MAP2K5: variants seen among roughly 807,000 people sequenced by gnomAD.
MAP2K5 encodes dual specificity mitogen-activated protein kinase kinase 5.
In MAP2K5, 49 loss-of-function variants were observed where a neutral mutation model predicts 83.1. The observed-to-expected ratio is 0.59, with a 90% CI of 0.47 to 0.75. The LOEUF (loss-of-function observed/expected upper bound fraction) is 0.75, where lower values mean the gene tolerates loss of function less well. MAP2K5 is among the 30% of genes least tolerant of loss of function. The probability of loss-of-function intolerance (pLI) is 0.00; values close to 1 mark genes in which losing one functional copy is unlikely to be tolerated. For synonymous variants in MAP2K5, 202 were observed against 191.8 expected, an observed-to-expected ratio of 1.05 and a Z score of -0.44; for missense variants, 457 against 557.5, an observed-to-expected ratio of 0.82 and a Z score of 1.82.
intron 7 of MAP2K5, among the ~76,000 whole-genome samples, chr15:67,595,300 A>G (rs973193712): frequency 1.3e-5 from 2 of 152,208 alleles, no homozygotes; most frequent in South Asian, 2.1e-4. Flanking sequence ...TCAACAGTTC[A>G]TAAGAAACAT....
At chr15:67,718,795 G>A (rs773570905) in intron 16 of MAP2K5, among the ~76,000 whole-genome samples, 10 of 152,110 alleles carry the variant, frequency 6.6e-5, no homozygotes, top group Middle Eastern at 3.2e-3. Flanking sequence ...CATAGTAAGT[G>A]TACATGTGTA....
chr15:67,582,055 A>ATT lies in MAP2K5; in HGVS notation c.322+1234_322+1235dup, dbSNP rs1233297576. Among the ~76,000 whole-genome samples the ATT allele has an allele frequency of 2.4e-3, 318 of 134,790 alleles. 11 individuals carry two copies. Among genetic ancestry groups the ATT allele is most frequent in the East Asian group, 6.5e-3 (29 of 4,434 alleles). 88.4% of individuals were successfully genotyped at this position (134,790 alleles called of 152,430 possible). A position where few individuals can be genotyped will look rare whatever the true frequency, so the allele number is the denominator to read the frequency against. On this transcript the variant is annotated intron_variant, in intron 4 of 21. Transcript: ENST00000178640. ...TAGTCCAATGATTAGGATGTAGATGATTTCTTTTTTTTTTTTTTTTTTTTC... is the reference window on the plus strand; with the variant it reads ...TAGTCCAATGATTAGGATGTAGATGATTTTTCTTTTTTTTTTTTTTTTTTTTC...
chr15:67,616,278 A>G (rs927072794), intron 8 of MAP2K5, among the ~76,000 whole-genome samples: 1 of 152,230 alleles, frequency 6.6e-6, no homozygotes, highest in African/African-American at 2.4e-5. Context: ...AACCAATGCC[A>G]TGTTTTAATA....
chr15:67,700,135 T>C (rs1323918032), intron 15 of MAP2K5, among the ~76,000 whole-genome samples: 1 of 152,230 alleles, frequency 6.6e-6, no homozygotes, highest in Non-Finnish European at 1.5e-5. Flanking sequence ...TTCCTGCTTT[T>C]GACAAATATC....
Position 67,720,065 on chromosome 15 carries a change from C to T in MAP2K5, c.1045-7851C>T, listed in dbSNP as rs4502166. The stretch of plus-strand genomic sequence containing the variant: ...GTGTCTGTAAAGCTACAAAAGTGGG[C>T]ATTTTTAAATTGAGGGTTTTTTCCC... On this transcript the variant is annotated intron_variant, in intron 16 of 21. Transcript: ENST00000178640. The surrounding 1 kb of genome is among the most constrained non-coding windows in gnomAD (Gnocchi z 5.7). Among the ~76,000 whole-genome samples the T allele has an allele frequency of 0.84, 127,859 of 152,078 alleles. 53,816 individuals carry two copies. Among genetic ancestry groups the T allele is most frequent in the Admixed American group, 0.88 (13,495 of 15,272 alleles).
intron 11 of MAP2K5, among the ~76,000 whole-genome samples, chr15:67,653,479 A>G (rs1184166587): frequency 1.3e-5 from 2 of 152,014 alleles, no homozygotes; most frequent in Non-Finnish European, 2.9e-5. Context: ...TATTTTTAGT[A>G]GAGACAGGGT....
chr15:67,611,763 C>T (rs1245790834), intron 8 of MAP2K5, among the ~76,000 whole-genome samples: 4 of 152,164 alleles, frequency 2.6e-5, no homozygotes, highest in South Asian at 2.1e-4. Context: ...CAATGCCATT[C>T]CTGGTAAATA....
In MAP2K5 at chr15:67,747,636, G is replaced by A. The variant is rs117770985; in HGVS notation, c.1075-595G>A. Among the ~76,000 whole-genome samples, 397 of 152,262 alleles carry A rather than the reference G, an allele frequency of 2.6e-3. 4 individuals carry two copies. Among genetic ancestry groups the A allele is most frequent in the Non-Finnish European group, 4.1e-3 (282 of 68,006 alleles). ...CTAAAAATCAGTGTGAAACTTCCAT[G>A]AATTTGATTTTCCCAGAGAGCATTG... On this transcript the variant is annotated intron_variant, in intron 17 of 21. Coordinates refer to ENST00000178640, the MANE Select transcript of MAP2K5 (RefSeq NM_145160.3). The surrounding 1 kb of genome is among the most constrained non-coding windows in gnomAD (Gnocchi z 4.1).
chr15:67,601,056 T>G (rs973092965), intron 8 of MAP2K5, among the ~76,000 whole-genome samples: 1 of 152,150 alleles, frequency 6.6e-6, no homozygotes, highest in Non-Finnish European at 1.5e-5. Flanking sequence ...ACACTATTAT[T>G]ATTATTTTTT....
chr15:67,623,434 T>G (rs976573252), intron 8 of MAP2K5, among the ~76,000 whole-genome samples: 6 of 152,156 alleles, frequency 3.9e-5, no homozygotes, highest in African/African-American at 1.4e-4. Flanking sequence ...CAATAAATGA[T>G]ATATTGCAAA....
intron 9 of MAP2K5, among the ~76,000 whole-genome samples, chr15:67,633,637 G>T (rs1809080756): frequency 6.6e-6 from 1 of 152,176 alleles, no homozygotes; most frequent in Non-Finnish European, 1.5e-5. Context: ...CACTAGACCT[G>T]ATCATTAAAC....
intron 13 of MAP2K5, among the ~76,000 whole-genome samples, chr15:67,681,037 A>G (rs745808824): frequency 9.2e-5 from 14 of 152,224 alleles, no homozygotes; most frequent in Non-Finnish European, 1.5e-4. Flanking sequence ...GCTTTATAGT[A>G]TATTTGGTAC....
In MAP2K5 at chr15:67,738,246, T is replaced by C. The variant is rs2089389319; in HGVS notation, c.1075-9985T>C. Reference sequence around the variant, plus strand: ...GAAGCTTGTCTTGTTTTGTTTTCTGTTCAGAAACAAGTTGCAGAGAGCACT... The same window carrying C: ...GAAGCTTGTCTTGTTTTGTTTTCTGCTCAGAAACAAGTTGCAGAGAGCACT... On this transcript the variant is annotated intron_variant, in intron 17 of 21. Coordinates refer to ENST00000178640, the MANE Select transcript of MAP2K5 (RefSeq NM_145160.3). This position sits in a 1 kb window ranked among gnomAD's most constrained non-coding sequence, Gnocchi z 4.1. 6.6e-6 allele frequency among the ~76,000 whole-genome samples: 1 copy of C among 152,192 alleles called. No individual in the cohort carries two copies. Among genetic ancestry groups the C allele is most frequent in the African/African-American group, 2.4e-5 (1 of 41,444 alleles).
At chr15:67,669,795 C>CA (rs35931405) in intron 13 of MAP2K5, among the ~76,000 whole-genome samples, 149,349 of 152,182 alleles carry the variant, frequency 0.98, 73,360 homozygotes, top group Middle Eastern at 1. Flanking sequence ...GAGATAACAA[C>CA]AAAAAACCTG....
chr15:67,585,786 C>G, intron 4 of MAP2K5, 104 bp from the exon 5 acceptor site: 1 of 950,118 alleles, frequency 1.1e-6, no homozygotes, highest in Non-Finnish European at 1.7e-6. Context: ...TCATTTCTCT[C>G]TGCTAATTTT....
At position 67,587,099 on chromosome 15, in the gene MAP2K5, G is replaced by C. The variant is rs768128869; in HGVS notation, c.431+186G>C. 1.6e-4 allele frequency among the ~76,000 whole-genome samples: 24 copies of C among 152,166 alleles called. No individual in the cohort carries two copies. Among genetic ancestry groups the C allele is most frequent in the Non-Finnish European group, 2.9e-4 (20 of 68,024 alleles). ...GACTGGGTGCTGAGAAGGCTCTCTGGGGAGAGTGACGTTTCTGTTTTGACC... is the reference window on the plus strand; with the variant it reads ...GACTGGGTGCTGAGAAGGCTCTCTGCGGAGAGTGACGTTTCTGTTTTGACC... On this transcript the variant is annotated intron_variant, in intron 6 of 21. Transcript: ENST00000178640. The surrounding 1 kb of genome is among the most constrained non-coding windows in gnomAD (Gnocchi z 4.8).
At position 67,551,696 on chromosome 15, in the gene MAP2K5, A is replaced by G. The variant is rs78792407; in HGVS notation, c.184+1614A>G. On this transcript the variant is annotated intron_variant, in intron 2 of 21. Transcript: ENST00000178640. ...CACTCTTTTGCCCAAGCTGGAGTGC[A>G]GTAGTGAGATCACAGCTTGCTGTAG... Among the ~76,000 whole-genome samples, 1,477 of 152,230 alleles carry G rather than the reference A, an allele frequency of 9.7e-3. 9 individuals are homozygous for G. Among genetic ancestry groups the G allele is most frequent in the Middle Eastern group, 0.062 (18 of 292 alleles).
At chr15:67,788,592 T>G (rs776667390) in intron 21 of MAP2K5, among the ~76,000 whole-genome samples, 2 of 152,170 alleles carry the variant, frequency 1.3e-5, no homozygotes, top group Non-Finnish European at 2.9e-5. Flanking sequence ...CATAAGCACT[T>G]AATATAGTAG....
intron 13 of MAP2K5, among the ~76,000 whole-genome samples, chr15:67,667,554 C>A (rs1217165053): frequency 6.6e-6 from 1 of 152,004 alleles, no homozygotes; most frequent in South Asian, 2.1e-4. Flanking sequence ...AAGAGAAATA[C>A]TAATGAGTGA....
Sources: allele counts gnomAD v4.1 joint callset (sites outside exome capture counted in the v4.1 genomes callset), GRCh38; gene constraint gnomAD v4.1.1; non-coding constraint Gnocchi (gnomAD v3.1); transcripts MANE v1.5; gene names NCBI Gene and HGNC (gene_info 2026-07-23, HGNC 2026-07-21).